HHAT: variants seen among roughly 807,000 people sequenced by gnomAD.
The protein encoded by HHAT is protein-cysteine N-palmitoyltransferase HHAT.
In HHAT, 47 loss-of-function variants were observed where a neutral mutation model predicts 70.8. That is an observed-to-expected ratio of 0.66 (90% confidence interval 0.53 to 0.85). The LOEUF (loss-of-function observed/expected upper bound fraction) is 0.85, where lower values mean the gene tolerates loss of function less well. HHAT is among the 40% of genes least tolerant of loss of function. The probability of loss-of-function intolerance (pLI) is 0.00; values close to 1 mark genes in which losing one functional copy is unlikely to be tolerated. For missense variants in HHAT, 609 were observed against 604.8 expected (o/e 1.01, Z -0.07); for synonymous variants, 228 against 247.6 (o/e 0.92, Z 0.74).
intron 8 of HHAT, among the ~76,000 whole-genome samples, chr1:210,497,827 G>T (rs139771093): frequency 0.011 from 1,654 of 150,838 alleles, 38 homozygotes; most frequent in African/African-American, 0.038. Flanking sequence ...GTGCAGTGGC[G>T]CAATCTTGAC....
intron 9 of HHAT, among the ~76,000 whole-genome samples, chr1:210,546,720 A>G (rs1319244990): frequency 1.3e-5 from 2 of 152,204 alleles, no homozygotes; most frequent in Non-Finnish European, 2.9e-5. Flanking sequence ...GGATGGAGGC[A>G]CAGAGAAAAG....
chr1:210,668,361 T>C (rs908193374), intron 11 of HHAT, among the ~76,000 whole-genome samples: 1 of 152,220 alleles, frequency 6.6e-6, no homozygotes, highest in Non-Finnish European at 1.5e-5. Flanking sequence ...TTTTGAATTA[T>C]AGCTCCTCAA....
At chr1:210,569,696 T>G (rs1282145478) in intron 9 of HHAT, among the ~76,000 whole-genome samples, 4 of 152,144 alleles carry the variant, frequency 2.6e-5, no homozygotes, top group Non-Finnish European at 1.5e-5. Flanking sequence ...ATCTCCTGCT[T>G]TGTATATCCA....
intron 7 of HHAT, among the ~76,000 whole-genome samples, chr1:210,455,921 C>T (rs955684062): frequency 3.9e-5 from 6 of 152,104 alleles, no homozygotes; most frequent in African/African-American, 1.2e-4. Flanking sequence ...ATAATAAGGC[C>T]CATGAGAGAC....
At chr1:210,479,075 G>A (rs554457902) in intron 8 of HHAT, among the ~76,000 whole-genome samples, 7 of 152,232 alleles carry the variant, frequency 4.6e-5, no homozygotes, top group Middle Eastern at 3.4e-3. Context: ...AGCTGTTCCC[G>A]GGCAAGTTTT....
chr1:210,334,964 A>C (rs2147915766), intron 1 of HHAT, among the ~76,000 whole-genome samples: 1 of 152,300 alleles, frequency 6.6e-6, no homozygotes, highest in South Asian at 2.1e-4. Flanking sequence ...TCCATAGCAA[A>C]ATTTTCAGGC....
chr1:210,466,564 T>G (rs2094113339), intron 8 of HHAT, among the ~76,000 whole-genome samples: 1 of 152,232 alleles, frequency 6.6e-6, no homozygotes, highest in Non-Finnish European at 1.5e-5. Flanking sequence ...GTGTGAATGC[T>G]TGTACTCTTG....
intron 8 of HHAT, among the ~76,000 whole-genome samples, chr1:210,493,855 C>T (rs1423988259): frequency 2.6e-5 from 4 of 152,182 alleles, no homozygotes; most frequent in Non-Finnish European, 4.4e-5. Flanking sequence ...GCATCACCAC[C>T]TCAAATGGTA....
intron 9 of HHAT, among the ~76,000 whole-genome samples, chr1:210,526,384 T>A (rs1346508028): frequency 2.0e-5 from 3 of 150,684 alleles, no homozygotes; most frequent in African/African-American, 7.3e-5. Context: ...TTTTTGCCAC[T>A]GAGATAACTA....
At chr1:210,370,610 A>ATT (rs10664778) in intron 3 of HHAT, among the ~76,000 whole-genome samples, 25,336 of 98,200 alleles carry the variant, frequency 0.26, 4,866 homozygotes, top group African/African-American at 0.5. Flanking sequence ...TGCAGATGCT[A>ATT]TTTTTTTTTT....
intron 3 of HHAT, among the ~76,000 whole-genome samples, chr1:210,365,308 A>AGTT (rs1240595556): frequency 1.9e-4 from 11 of 57,876 alleles, no homozygotes; most frequent in South Asian, 5.8e-4. Context: ...TACTGCTGAC[A>AGTT]GTTTTTTTTT....
chr1:210,643,112 C>G (rs1357810491), intron 11 of HHAT, among the ~76,000 whole-genome samples: 5 of 152,126 alleles, frequency 3.3e-5, no homozygotes, highest in Admixed American at 3.3e-4. Flanking sequence ...ATTGTATCCC[C>G]CACAGATGTG....
intron 8 of HHAT, among the ~76,000 whole-genome samples, chr1:210,505,234 G>A (rs549853166): frequency 2.0e-5 from 3 of 152,220 alleles, no homozygotes; most frequent in Admixed American, 1.3e-4. Context: ...AGGTTGAGAC[G>A]TAGGTTAACA....
intron 11 of HHAT, among the ~76,000 whole-genome samples, chr1:210,655,793 G>A (rs1054931398): frequency 6.6e-6 from 1 of 152,182 alleles, no homozygotes; most frequent in Non-Finnish European, 1.5e-5. Context: ...TTCTGCTCCA[G>A]TTACAGACAA....
chr1:210,608,030 T>C (rs2148835201), intron 10 of HHAT, among the ~76,000 whole-genome samples: 1 of 152,368 alleles, frequency 6.6e-6, no homozygotes, highest in East Asian at 1.9e-4. Context: ...TATGCAGATC[T>C]GTGTAATCAG....
chr1:210,671,866 C>T (rs909635604), intron 11 of HHAT, among the ~76,000 whole-genome samples: 1 of 152,226 alleles, frequency 6.6e-6, no homozygotes, highest in African/African-American at 2.4e-5. Flanking sequence ...TGCCAGGGGT[C>T]GTCTGCTGCC....
At chr1:210,577,037 T>G (rs1434157144) in intron 9 of HHAT, among the ~76,000 whole-genome samples, 5 of 151,994 alleles carry the variant, frequency 3.3e-5, no homozygotes, top group African/African-American at 1.2e-4. Context: ...TTATGTTACT[T>G]TTGTATCCTC....
At chr1:210,470,915 G>A (rs978890735) in intron 8 of HHAT, among the ~76,000 whole-genome samples, 3 of 152,180 alleles carry the variant, frequency 2.0e-5, no homozygotes, top group African/African-American at 7.2e-5. Flanking sequence ...TCCTAATGGA[G>A]CTGGAACCCT....
At chr1:210,606,023 T>A (rs1333646155) in intron 10 of HHAT, among the ~76,000 whole-genome samples, 1 of 151,128 alleles carries the variant, frequency 6.6e-6, no homozygotes, top group Non-Finnish European at 1.5e-5. Context: ...ACCTGGCTAA[T>A]TTTTTTTTAT....
Sources: gnomAD v4.1 joint callset for allele counts (sites outside exome capture counted in the v4.1 genomes callset) on GRCh38, gnomAD v4.1.1 for gene constraint, MANE v1.5 for transcripts, NCBI Gene and HGNC (gene_info 2026-07-23, HGNC 2026-07-21) for gene names.